Variants in EHMT1 observed in about 807,000 individuals in gnomAD.
EHMT1 encodes histone-lysine N-methyltransferase EHMT1.
EHMT1 carries 15 observed loss-of-function variants against 147.2 expected under a neutral mutation model. The ratio of observed to expected loss-of-function variants is 0.10; its 90% CI spans 0.07 to 0.16. The LOEUF is 0.16. Among genes scored for constraint, EHMT1 ranks in the 10% least tolerant of loss-of-function variants. The probability of loss-of-function intolerance (pLI) is 1.00; values close to 1 mark genes in which losing one functional copy is unlikely to be tolerated. For synonymous variants in EHMT1, 795 were observed against 709.6 expected, an observed-to-expected ratio of 1.12 and a Z score of -1.91; for missense variants, 1,587 against 1,772.4, an observed-to-expected ratio of 0.90 and a Z score of 1.88.
At position 137,779,493 on chromosome 9, in the gene EHMT1, C is replaced by T. The variant is rs1951216489; in HGVS notation, c.2193-142C>T. ...GTGGGCAGACGTCTGCCGGGCCTTCCAGCCTTCAGCTTCATGTGTGGGACG... is the reference window on the plus strand; with the variant it reads ...GTGGGCAGACGTCTGCCGGGCCTTCTAGCCTTCAGCTTCATGTGTGGGACG... On this transcript the variant is annotated intron_variant, in intron 13 of 26. Coordinates refer to ENST00000460843, the MANE Select transcript of EHMT1 (RefSeq NM_024757.5). The T allele has an allele frequency of 3.5e-6, 3 of 848,376 alleles. No homozygotes were observed. In the East Asian group the frequency reaches 8.0e-5, roughly 23 times the overall value. The allele number at this position is 848,376 out of a possible 1,614,324, so 52.6% of individuals were successfully genotyped here.
chr9:137,779,610 G>A (rs1330201657), intron 13 of EHMT1, 25 bp from the exon 14 acceptor site: 1 of 1,613,052 alleles, frequency 6.2e-7, no homozygotes, highest in Non-Finnish European at 8.5e-7. Flanking sequence ...GCCCCATGCT[G>A]ACTGTTGTCT....
intron 1 of EHMT1, among the ~76,000 whole-genome samples, chr9:137,664,416 C>A (rs1939413179): frequency 6.6e-6 from 1 of 151,776 alleles, no homozygotes; most frequent in Non-Finnish European, 1.5e-5. Context: ...CCCTCCACCA[C>A]ACTCGGCTAA....
At chr9:137,740,183 C>T (rs1411079198) in intron 4 of EHMT1, among the ~76,000 whole-genome samples, 1 of 152,216 alleles carries the variant, frequency 6.6e-6, no homozygotes, top group African/African-American at 2.4e-5. Context: ...CCACCCCCAC[C>T]CCACGCCCAT....
rs147102604 is a variant in EHMT1, at chr9:137,696,501, T to A, written c.22-14466T>A. Among the ~76,000 whole-genome samples the A allele has an allele frequency of 2.5e-4, 38 of 152,326 alleles. No homozygotes were observed. In the East Asian group the frequency reaches 7.3e-3, roughly 29 times the overall value. ...ATAAAGAAAAATCTCCACTGTTAGGTAGAGAAGGCAGTCTTTTGTGTTGGT... is the reference window on the plus strand; with the variant it reads ...ATAAAGAAAAATCTCCACTGTTAGGAAGAGAAGGCAGTCTTTTGTGTTGGT... On this transcript the variant is annotated intron_variant, in intron 1 of 26. Transcript: ENST00000460843.
Position 137,779,863 on chromosome 9 carries a change from T to C in EHMT1, c.2275+146T>C, listed in dbSNP as rs183855767. The C allele has an allele frequency of 4.7e-6, 4 of 850,054 alleles. No homozygotes were observed. The African/African-American group carries it at 6.7e-5, about 14-fold the overall frequency. 52.7% of individuals were successfully genotyped at this position (850,054 alleles called of 1,614,324 possible). A position where few individuals can be genotyped will look rare whatever the true frequency, so the allele number is the denominator to read the frequency against. On this transcript the variant is annotated intron_variant, in intron 14 of 26. Transcript: ENST00000460843. The stretch of plus-strand genomic sequence containing the variant: ...CTCCGAGTTCTCTGATGAGTGAGAA[T>C]AGGTTGCCCACTGGTGTTGAGGCTT...
chr9:137,641,474 G>T, intron 1 of EHMT1: 1 of 463,126 alleles, frequency 2.2e-6, no homozygotes, highest in Non-Finnish European at 4.1e-6. Flanking sequence ...AAGCAGTGCA[G>T]ACGCTTGTGG....
At chr9:137,750,505 G>A (rs1232384157) in intron 6 of EHMT1, among the ~76,000 whole-genome samples, 1 of 152,208 alleles carries the variant, frequency 6.6e-6, no homozygotes, top group Non-Finnish European at 1.5e-5. Flanking sequence ...TTGTTAATGT[G>A]GAGGAAAACT....
At chr9:137,670,109 C>T (rs1400698334) in intron 1 of EHMT1, among the ~76,000 whole-genome samples, 2 of 152,212 alleles carry the variant, frequency 1.3e-5, no homozygotes, top group African/African-American at 4.8e-5. Context: ...ATCCGCCTGC[C>T]TCAGCCTCCC....
intron 1 of EHMT1, among the ~76,000 whole-genome samples, chr9:137,689,587 C>T (rs1169447197): frequency 1.3e-5 from 2 of 152,096 alleles, no homozygotes; most frequent in East Asian, 1.9e-4. Context: ...CCTGTAATCC[C>T]AGCTACTCAG....
rs1008345135 is a variant in EHMT1, at chr9:137,762,935, C to T, written c.1647+115C>T. 4 of 1,407,658 alleles carry T rather than the reference C, an allele frequency of 2.8e-6. No homozygotes were observed. In the African/African-American group the frequency reaches 4.2e-5, roughly 15 times the overall value. 87.2% of individuals were successfully genotyped at this position (1,407,658 alleles called of 1,614,324 possible). ...TTGTGCTGCGTGACCAGGGCGGGAG[C>T]CTGAGTGGATTCTGCGCAGAACCAA... On this transcript the variant is annotated intron_variant, in intron 10 of 26. Transcript: ENST00000460843.
At position 137,731,759 on chromosome 9, in the gene EHMT1, G is replaced by C. The variant is rs547356651; in HGVS notation, c.823+3230G>C. Among the ~76,000 whole-genome samples, 33 of 152,116 alleles carry C rather than the reference G, an allele frequency of 2.2e-4. No homozygotes were observed. The highest frequency in any genetic ancestry group is 4.0e-4 in the Non-Finnish European group (27 of 68,004). On this transcript the variant is annotated intron_variant, in intron 4 of 26. Coordinates refer to ENST00000460843, the MANE Select transcript of EHMT1 (RefSeq NM_024757.5). This position sits in a 1 kb window ranked among gnomAD's most constrained non-coding sequence, Gnocchi z 4.3. ...TACCGGCCCAGATCCCACACCTTCC[G>C]AGGGCAAGCCAGGAGTGGAGCAGCG...
intron 1 of EHMT1, among the ~76,000 whole-genome samples, chr9:137,655,372 A>G (rs928998868): frequency 6.6e-6 from 1 of 152,154 alleles, no homozygotes; most frequent in Non-Finnish European, 1.5e-5. Flanking sequence ...CTGCTTAAAA[A>G]AGACCTCCTT....
At chr9:137,759,069 A>G (rs953953058) in intron 9 of EHMT1, among the ~76,000 whole-genome samples, 1 of 151,776 alleles carries the variant, frequency 6.6e-6, no homozygotes, top group African/African-American at 2.4e-5. Context: ...AGAGCTTGCA[A>G]TGAGCCGAGA....
At chr9:137,711,545 A>G (rs1391196260) in intron 2 of EHMT1, among the ~76,000 whole-genome samples, 2 of 152,150 alleles carry the variant, frequency 1.3e-5, no homozygotes, top group Non-Finnish European at 2.9e-5. Context: ...CTCCAATTTT[A>G]TGGCAGACAC....
At chr9:137,763,274 C>T (rs775135165) in intron 10 of EHMT1, 2 of 290,440 alleles carry the variant, frequency 6.9e-6, no homozygotes, top group Admixed American at 4.7e-5. Flanking sequence ...GGGTTCAGCA[C>T]GTCCCGTCTC....
intron 3 of EHMT1, among the ~76,000 whole-genome samples, chr9:137,724,027 A>G (rs866122627): frequency 2.6e-5 from 4 of 152,152 alleles, no homozygotes; most frequent in Non-Finnish European, 4.4e-5. Flanking sequence ...TGTTACTGTG[A>G]CCTGGTTGGC....
chr9:137,676,757 A>G (rs1176439890), intron 1 of EHMT1, among the ~76,000 whole-genome samples: 1 of 152,232 alleles, frequency 6.6e-6, no homozygotes, highest in Middle Eastern at 3.4e-3. Context: ...CACTGGGGGA[A>G]GTGGGTGGGG....
In EHMT1 at chr9:137,744,021, G is replaced by A. The variant is rs574815586; in HGVS notation, c.1101G>A (p.Ala367=). ...EEDDGHGAEQ[A]AAFPTEDSRT... ...ACGACGGCCATGGTGCAGAGCAGGC[G>A]GCCGCGTTCCCCACAGAGGACAGCA... is the stretch of plus-strand genomic sequence containing the variant. The change falls in exon 6 of 27, where the codon GCG becomes GCA. Residue 367 remains alanine (A), a synonymous_variant. Coordinates refer to ENST00000460843, the MANE Select transcript of EHMT1 (RefSeq NM_024757.5). 27 of 1,614,116 alleles carry A rather than the reference G, an allele frequency of 1.7e-5. No homozygotes were observed. The highest frequency in any genetic ancestry group is 8.8e-5 in the South Asian group (8 of 91,076).
intron 1 of EHMT1, among the ~76,000 whole-genome samples, chr9:137,658,925 A>T (rs542340958): frequency 6.6e-6 from 1 of 152,168 alleles, no homozygotes. Context: ...GTGCCAGCCC[A>T]GGAACACTTC....
Sources: gnomAD v4.1 joint callset for allele counts (sites outside exome capture counted in the v4.1 genomes callset) on GRCh38, gnomAD v4.1.1 for gene constraint, Gnocchi (gnomAD v3.1) non-coding constraint, MANE v1.5 for transcripts, NCBI Gene and HGNC (gene_info 2026-07-23, HGNC 2026-07-21) for gene names.